The following RCC1 variants were observed in gnomAD, a reference collection of about 807,000 sequenced individuals.
The protein encoded by RCC1 is regulator of chromosome condensation.
A neutral mutation model predicts 44.4 loss-of-function variants in RCC1; 11 were observed. That is an observed-to-expected ratio of 0.25 (90% CI 0.16 to 0.41). RCC1 has a LOEUF of 0.41. Among genes scored for constraint, RCC1 ranks in the 10% least tolerant of loss-of-function variants. The pLI is 1.00. For synonymous variants in RCC1, 213 were observed against 216.5 expected (o/e 0.98, Z 0.14); for missense variants, 386 against 547.1 (o/e 0.71, Z 2.94).
At chr1:28,512,345 A>G (rs1313024429) in intron 3 of RCC1, among the ~76,000 whole-genome samples, 2 of 152,070 alleles carry the variant, frequency 1.3e-5, no homozygotes, top group Non-Finnish European at 2.9e-5. Flanking sequence ...CTTCCTGGTC[A>G]TTAGTATTCT....
intron 5 of RCC1, chr1:28,530,505 AGT>A (rs1392711908): frequency 1.3e-6 from 2 of 1,595,268 alleles, no homozygotes; most frequent in Non-Finnish European, 1.7e-6. Flanking sequence ...ACGCTCAGAC[AGT>A]GTCTGTCTTT....
intron 12 of RCC1, among the ~76,000 whole-genome samples, chr1:28,537,165 G>A (rs1464113845): frequency 1.3e-5 from 2 of 152,132 alleles, no homozygotes; most frequent in African/African-American, 2.4e-5. Context: ...AGGAGGCAAT[G>A]GGACTGGAAC....
chr1:28,518,142 C>G (rs957570167), intron 4 of RCC1: 1 of 152,200 alleles, frequency 6.6e-6, no homozygotes, highest in East Asian at 1.9e-4. Flanking sequence ...TCCCCCAGCC[C>G]GGGAGCGCGC....
chr1:28,519,846 T>TA (rs1237384198), intron 4 of RCC1, among the ~76,000 whole-genome samples: 1 of 151,612 alleles, frequency 6.6e-6, no homozygotes, highest in African/African-American at 2.4e-5. Flanking sequence ...GTGCTGGAAT[T>TA]ACAGGTGTGA....
Position 28,536,734 on chromosome 1 carries a change from C to T in RCC1, c.938-13C>T. The T allele has an allele frequency of 6.2e-7, 1 of 1,613,416 alleles. No individual in the cohort carries two copies. The highest frequency in any genetic ancestry group is 2.2e-5 in the East Asian group (1 of 44,876). On this transcript the variant is annotated splice_polypyrimidine_tract_variant and intron_variant, in intron 11 of 12. Coordinates refer to ENST00000683442, the MANE Select transcript of RCC1 (RefSeq NM_001381865.2). This position sits in a 1 kb window ranked among gnomAD's most constrained non-coding sequence, Gnocchi z 4.9. ...CCCTCTGCTATTGCTCATCTCTCTCCCTCCTCCCATAGGAAAAGCATACAG... is the reference window on the plus strand; with the variant it reads ...CCCTCTGCTATTGCTCATCTCTCTCTCTCCTCCCATAGGAAAAGCATACAG...
chr1:28,530,167 A>C (rs202151261), intron 5 of RCC1, among the ~76,000 whole-genome samples: 31,579 of 151,628 alleles, frequency 0.21, 4,013 homozygotes, highest in Middle Eastern at 0.32. Context: ...CAAAAAAAAA[A>C]AAAAAAAAAC....
intron 1 of RCC1, chr1:28,507,185 T>C (rs1334919122): frequency 1.4e-5 from 5 of 360,486 alleles, no homozygotes; most frequent in Non-Finnish European, 2.8e-5. Flanking sequence ...TAACCGCCTA[T>C]TGTAAAGTAA....
chr1:28,506,477 G>A (rs535870908), intron 1 of RCC1: 59 of 318,402 alleles, frequency 1.9e-4, no homozygotes, highest in Non-Finnish European at 3.4e-4. Flanking sequence ...GAGCCACCGC[G>A]CCTGGCCGGA....
chr1:28,533,982 A>G (rs1664380417), intron 7 of RCC1, among the ~76,000 whole-genome samples: 1 of 144,772 alleles, frequency 6.9e-6, no homozygotes. Context: ...GGCTCAAGCA[A>G]TTCTCCTTCC....
chr1:28,506,362 C>T (rs745904461), intron 1 of RCC1: 1 of 384,222 alleles, frequency 2.6e-6, no homozygotes, highest in South Asian at 1.8e-5. Flanking sequence ...TTTTTGTATT[C>T]TTAGTGGAGA....
chr1:28,535,611 T>A (rs1473242634), intron 9 of RCC1: 1 of 786,070 alleles, frequency 1.3e-6, no homozygotes, highest in South Asian at 1.5e-5. Flanking sequence ...CTTCATTAGG[T>A]TGCTGTGAAG....
intron 5 of RCC1, chr1:28,530,706 C>G: frequency 9.4e-7 from 1 of 1,069,052 alleles, no homozygotes; most frequent in Non-Finnish European, 1.3e-6. Context: ...GCGCCATTGG[C>G]TGCCCGGGGC....
chr1:28,527,712 A>T (rs535764311), intron 4 of RCC1, among the ~76,000 whole-genome samples: 2 of 152,254 alleles, frequency 1.3e-5, no homozygotes, highest in Admixed American at 1.3e-4. Flanking sequence ...AGACTTAAAA[A>T]TTTTTTAAAT....
intron 3 of RCC1, among the ~76,000 whole-genome samples, chr1:28,514,786 T>A (rs1570173558): frequency 6.7e-6 from 1 of 149,968 alleles, no homozygotes; most frequent in African/African-American, 2.4e-5. Flanking sequence ...ATCTTCCGGC[T>A]GGGCACAGTG....
intron 2 of RCC1, chr1:28,508,520 G>A: frequency 2.0e-6 from 1 of 499,968 alleles, no homozygotes. Context: ...TAGCAATATT[G>A]GATTTGTCGG....
At chr1:28,525,042 A>G (rs1663554988) in intron 4 of RCC1, among the ~76,000 whole-genome samples, 1 of 152,024 alleles carries the variant, frequency 6.6e-6, no homozygotes, top group Admixed American at 6.6e-5. Context: ...GAGCTCCCCG[A>G]GTGAGCAGTT....
intron 3 of RCC1, among the ~76,000 whole-genome samples, chr1:28,511,420 A>G (rs1372946007): frequency 7.7e-6 from 1 of 129,216 alleles, no homozygotes; most frequent in Admixed American, 7.7e-5. Context: ...TTTTTTTTTG[A>G]GAGGGAGTCT....
At chr1:28,517,233 GTCC>G (rs1416174686) in intron 4 of RCC1, among the ~76,000 whole-genome samples, 3 of 152,096 alleles carry the variant, frequency 2.0e-5, no homozygotes. Context: ...TCGAGAAAAC[GTCC>G]TTTGCAAGGG....
At position 28,508,811 on chromosome 1, in the gene RCC1, A is replaced by G. The variant is rs753473684; in HGVS notation, c.-228-19A>G. 1.9e-6 allele frequency: 1 copy of G among 517,554 alleles called. No homozygotes were observed. Among genetic ancestry groups the G allele is most frequent in the East Asian group, 5.5e-5 (1 of 18,326 alleles). 32.1% of individuals were successfully genotyped at this position (517,554 alleles called of 1,614,324 possible). On this transcript the variant is annotated intron_variant, in intron 2 of 12. Transcript: ENST00000683442. ...AAGTAGGATCTTCAGGAGTCTAATC[A>G]TTATTTCTTTTCTTTTAGGAGAGAA...
Sources: gnomAD v4.1 joint callset for allele counts (sites outside exome capture counted in the v4.1 genomes callset) on GRCh38, gnomAD v4.1.1 for gene constraint, Gnocchi (gnomAD v3.1) non-coding constraint, MANE v1.5 for transcripts, NCBI Gene and HGNC (gene_info 2026-07-23, HGNC 2026-07-21) for gene names.